Variants in TSHZ3 observed in about 807,000 individuals in gnomAD.
TSHZ3 encodes the protein teashirt zinc finger homeobox 3.
In TSHZ3, 10 loss-of-function variants were observed where a neutral mutation model predicts 64.5. That is an observed-to-expected ratio of 0.16 (90% CI 0.10 to 0.26). The LOEUF (loss-of-function observed/expected upper bound fraction) is 0.26. TSHZ3 is among the 10% of genes least tolerant of loss of function. The pLI is 1.00. For missense variants in TSHZ3, 1,242 were observed against 1,421.7 expected, an observed-to-expected ratio of 0.87 and a Z score of 2.03; for synonymous variants, 608 against 593.1, an observed-to-expected ratio of 1.03 and a Z score of -0.36.
intron 1 of TSHZ3, among the ~76,000 whole-genome samples, chr19:31,325,188 T>C (rs981265232): frequency 6.6e-6 from 1 of 152,188 alleles, no homozygotes; most frequent in African/African-American, 2.4e-5. Flanking sequence ...AGGATGCCTA[T>C]GGAGAGGGCT....
chr19:31,263,184 C>G (rs1599610757), intron 1 of TSHZ3, among the ~76,000 whole-genome samples: 1 of 152,098 alleles, frequency 6.6e-6, no homozygotes, highest in East Asian at 1.9e-4. Flanking sequence ...ACTTGGAGGT[C>G]CCGGAGGACA....
At chr19:31,349,895 G>A (rs112351586), upstream of TSHZ3, among the ~76,000 whole-genome samples, 1 of 145,432 alleles carries the variant, frequency 6.9e-6, no homozygotes, top group African/African-American at 2.5e-5. Context: ...CGCCCGCGGG[G>A]GCGCCGCGCC....
At chr19:31,295,017 T>C in intron 1 of TSHZ3, among the ~76,000 whole-genome samples, 1 of 152,198 alleles carries the variant, frequency 6.6e-6, no homozygotes, top group Non-Finnish European at 1.5e-5. Flanking sequence ...ACATCATACA[T>C]AGCCCCTCAA....
chr19:31,326,688 T>G (rs1270209498), intron 1 of TSHZ3, among the ~76,000 whole-genome samples: 2 of 152,214 alleles, frequency 1.3e-5, no homozygotes, highest in Admixed American at 6.5e-5. Context: ...AATTTCCAAG[T>G]AAGCAGCTGC....
At chr19:31,296,122 T>G (rs1052873561) in intron 1 of TSHZ3, among the ~76,000 whole-genome samples, 5 of 151,740 alleles carry the variant, frequency 3.3e-5, no homozygotes, top group Non-Finnish European at 7.4e-5. Flanking sequence ...CTCTGTTTTC[T>G]GAGCAAGTTT....
chr19:31,257,249 G>A (rs1975923296), intron 1 of TSHZ3, among the ~76,000 whole-genome samples: 1 of 152,170 alleles, frequency 6.6e-6, no homozygotes, highest in Non-Finnish European at 1.5e-5. Flanking sequence ...GGTGCCGTGG[G>A]GAACTGTGTG....
At chr19:31,247,560 G>C (rs994235640) in intron 1 of TSHZ3, among the ~76,000 whole-genome samples, 1 of 152,206 alleles carries the variant, frequency 6.6e-6, no homozygotes, top group Non-Finnish European at 1.5e-5. Context: ...AGGCATAAAA[G>C]GAGGCCAAGG....
chr19:31,169,309 T>C (rs754627277), intron 5 of TSHZ3, among the ~76,000 whole-genome samples: 4 of 152,244 alleles, frequency 2.6e-5, no homozygotes, highest in Non-Finnish European at 4.4e-5. Flanking sequence ...ATTGAAGAGA[T>C]ACTTGTACAC....
chr19:31,296,560 T>C (rs1976666040), intron 1 of TSHZ3, among the ~76,000 whole-genome samples: 1 of 152,162 alleles, frequency 6.6e-6, no homozygotes, highest in Non-Finnish European at 1.5e-5. Flanking sequence ...GGTCTTAAAC[T>C]CCTGACCTCA....
intron 1 of TSHZ3, among the ~76,000 whole-genome samples, chr19:31,255,075 G>A (rs939678704): frequency 2.0e-5 from 3 of 152,216 alleles, no homozygotes; most frequent in African/African-American, 7.2e-5. Flanking sequence ...ATCAGACAAA[G>A]AATCAGCTTT....
chr19:31,273,633 G>T (rs186528337), downstream of TSHZ3, among the ~76,000 whole-genome samples: 1 of 152,212 alleles, frequency 6.6e-6, no homozygotes, highest in Non-Finnish European at 1.5e-5. Flanking sequence ...AAATTCAAGC[G>T]TGGAAATCTG....
At chr19:31,233,502 T>C (rs1405887885) in intron 3 of TSHZ3, among the ~76,000 whole-genome samples, 2 of 152,184 alleles carry the variant, frequency 1.3e-5, no homozygotes, top group Admixed American at 6.5e-5. Context: ...TTGCCAGATA[T>C]GTGCATTGCA....
At position 31,277,568 on chromosome 19, in the gene TSHZ3, G is replaced by C. The variant is rs1321991094; in HGVS notation, c.2225C>G (p.Pro742Arg). The C allele has an allele frequency of 6.3e-7, 1 of 1,598,732 alleles. No homozygotes were observed. Residue 742 changes from proline (P) to arginine (R), a missense_variant, in exon 2 of 2, where the codon CCT becomes CGT. Transcript: ENST00000240587. The surrounding 1 kb of genome is among the most constrained non-coding windows in gnomAD (Gnocchi z 4.5). The stretch of plus-strand genomic sequence containing the variant: ...AAGCATGCTCATGGGGTCCAGGGCA[G>C]GCAGGGAGGGCTTGGCGGCCTTGCC... ...HLGKAAKPSL[P>R]ALDPMSMLFK...
chr19:31,330,398 C>T (rs1917046245), intron 1 of TSHZ3, among the ~76,000 whole-genome samples: 1 of 152,204 alleles, frequency 6.6e-6, no homozygotes, highest in Admixed American at 6.5e-5. Context: ...GGCCTCCGGG[C>T]TGCTTGGCCG....
chr19:31,178,878 C>T (rs866115739), intron 5 of TSHZ3, among the ~76,000 whole-genome samples: 1 of 152,154 alleles, frequency 6.6e-6, no homozygotes, highest in South Asian at 2.1e-4. Context: ...GCAAACACCA[C>T]GTGCTTCAGC....
chr19:31,323,383 G>A (rs1916833154), intron 1 of TSHZ3, among the ~76,000 whole-genome samples: 3 of 152,174 alleles, frequency 2.0e-5, no homozygotes, highest in Admixed American at 2.0e-4. Context: ...ATGATCCAAT[G>A]GTGAGCTCCC....
chr19:31,317,091 CTT>C (rs1916623175), intron 1 of TSHZ3, among the ~76,000 whole-genome samples: 1 of 152,092 alleles, frequency 6.6e-6, no homozygotes, highest in African/African-American at 2.4e-5. Flanking sequence ...TCGCAGGAGA[CTT>C]TTTTCCAGGG....
chr19:31,311,465 G>A (rs1400257459), intron 1 of TSHZ3, among the ~76,000 whole-genome samples: 1 of 151,984 alleles, frequency 6.6e-6, no homozygotes, highest in East Asian at 1.9e-4. Context: ...CTCGCCTGTG[G>A]CCTCCGACTG....
chr19:31,258,539 G>A (rs1018531734), intron 1 of TSHZ3, among the ~76,000 whole-genome samples: 1 of 152,226 alleles, frequency 6.6e-6, no homozygotes, highest in African/African-American at 2.4e-5. Flanking sequence ...TATCAGGCAT[G>A]AGAGTAAATG....
Sources: allele counts gnomAD v4.1 joint callset (sites outside exome capture counted in the v4.1 genomes callset), GRCh38; gene constraint gnomAD v4.1.1; non-coding constraint Gnocchi (gnomAD v3.1); transcripts MANE v1.5; gene names NCBI Gene and HGNC (gene_info 2026-07-23, HGNC 2026-07-21).